MROH7: variants seen among roughly 807,000 people sequenced by gnomAD.
MROH7 encodes maestro heat-like repeat-containing protein family member 7.
In MROH7, 113 loss-of-function variants were observed where a neutral mutation model predicts 129.2. The ratio of observed to expected loss-of-function variants is 0.87; its 90% CI spans 0.75 to 1.02. MROH7 has a LOEUF of 1.02. MROH7 is among the 50% of genes least tolerant of loss of function. MROH7 has a pLI of 0.00. For missense variants in MROH7, 1,601 were observed against 1,671.3 expected, an observed-to-expected ratio of 0.96 and a Z score of 0.73; for synonymous variants, 655 against 667.9, an observed-to-expected ratio of 0.98 and a Z score of 0.30.
intron 15 of MROH7, among the ~76,000 whole-genome samples, chr1:54,687,921 T>C (rs1388274628): frequency 2.7e-5 from 4 of 147,626 alleles, no homozygotes; most frequent in Non-Finnish European, 4.5e-5. Context: ...CAGGCTGGAG[T>C]GCAGTGGTGC....
intron 3 of MROH7, among the ~76,000 whole-genome samples, chr1:54,663,465 T>A (rs1644761993): frequency 6.6e-6 from 1 of 152,064 alleles, no homozygotes; most frequent in Admixed American, 6.6e-5. Flanking sequence ...CTCTGCCTTC[T>A]GGGTTCAAGC....
At chr1:54,659,937 G>A (rs1261602172) in intron 3 of MROH7, among the ~76,000 whole-genome samples, 1 of 152,158 alleles carries the variant, frequency 6.6e-6, no homozygotes, top group Non-Finnish European at 1.5e-5. Context: ...TTTTTTGGAT[G>A]TTATTAATAA....
chr1:54,645,187 T>C (rs911493564), intron 1 of MROH7, among the ~76,000 whole-genome samples: 1 of 152,172 alleles, frequency 6.6e-6, no homozygotes, highest in African/African-American at 2.4e-5. Context: ...TTAATGTTGG[T>C]TGGTTGTCTT....
chr1:54,657,048 CTT>C (rs35098878), intron 3 of MROH7, among the ~76,000 whole-genome samples: 16 of 132,388 alleles, frequency 1.2e-4, no homozygotes, highest in African/African-American at 1.1e-4. Context: ...TTCTCACCAT[CTT>C]TTTTTTTTTT....
chr1:54,689,362 C>A (rs897985013), intron 15 of MROH7, among the ~76,000 whole-genome samples: 1 of 152,182 alleles, frequency 6.6e-6, no homozygotes, highest in African/African-American at 2.4e-5. Context: ...CCTGCTGACA[C>A]CTTAATTTTG....
At chr1:54,684,648 T>C in intron 14 of MROH7, among the ~76,000 whole-genome samples, 1 of 152,232 alleles carries the variant, frequency 6.6e-6, no homozygotes, top group East Asian at 1.9e-4. Flanking sequence ...CTGTGTTCTT[T>C]GGATGTAATC....
At chr1:54,667,999 T>G (rs559826) in intron 4 of MROH7, among the ~76,000 whole-genome samples, 59,493 of 152,056 alleles carry the variant, frequency 0.39, 12,419 homozygotes, top group South Asian at 0.54. Context: ...TAGCTGGGTG[T>G]TTCTTCTGCT....
Position 54,653,007 on chromosome 1 carries a change from G to A in MROH7, c.81G>A (p.Pro27=), listed in dbSNP as rs371606173. 55 of 1,614,066 alleles carry A rather than the reference G, an allele frequency of 3.4e-5. No individual in the cohort carries two copies. Among genetic ancestry groups the A allele is most frequent in the African/African-American group, 2.9e-4 (22 of 75,042 alleles). Residue 27 remains proline, a synonymous_variant, in exon 3 of 24, where the codon CCG becomes CCA. Coordinates refer to ENST00000421030, the MANE Select transcript of MROH7 (RefSeq NM_001039464.4). ...CAAGTCCCCCCTCCTGTGGGGCCCC[G>A]GGATTAGGGTCTGGTACCATCCCTC... ...MTPSPPSCGA[P]GLGSGTIPQP...
At chr1:54,673,383 C>T (rs1027780349) in intron 8 of MROH7, among the ~76,000 whole-genome samples, 197 bp downstream of exon 8, 1 of 152,030 alleles carries the variant, frequency 6.6e-6, no homozygotes, top group African/African-American at 2.4e-5. Context: ...CCCCATCCCC[C>T]CACTCTCTAA....
At chr1:54,659,283 T>G (rs1202420026) in intron 3 of MROH7, 2 of 194,706 alleles carry the variant, frequency 1.0e-5, no homozygotes, top group Non-Finnish European at 2.1e-5. Context: ...TTAATTTTTA[T>G]TTATTTATTT....
rs373951923 is a variant in MROH7, at chr1:54,708,885, T to G, written c.3668-129T>G. ...ATCTGTCCCAGGGTCCAAATGAAGT[T>G]TTGTGTTCTCATGTGTGGGGCTGGA... On this transcript the variant is annotated intron_variant, in intron 22 of 23. Transcript: ENST00000421030. 865 of 809,006 alleles carry G rather than the reference T, an allele frequency of 1.1e-3. 16 individuals carry two copies. In the South Asian group the frequency reaches 0.013, roughly 12 times the overall value. The allele number at this position is 809,006 out of a possible 1,614,324, so 50.1% of individuals were successfully genotyped here.
At chr1:54,678,091 C>T (rs1333087234) in intron 10 of MROH7, among the ~76,000 whole-genome samples, 4 of 152,178 alleles carry the variant, frequency 2.6e-5, no homozygotes, top group South Asian at 2.1e-4. Flanking sequence ...TGGGAACTCT[C>T]GTGCACTGCT....
intron 11 of MROH7, 65 bp downstream of exon 11, chr1:54,678,919 C>A: frequency 1.5e-6 from 2 of 1,291,584 alleles, no homozygotes; most frequent in Non-Finnish European, 2.2e-6. Context: ...GCCACCTGGC[C>A]CCAAAGCTTT....
chr1:54,691,913 G>A (rs778569031), intron 15 of MROH7, among the ~76,000 whole-genome samples: 27 of 127,886 alleles, frequency 2.1e-4, no homozygotes, highest in South Asian at 1.3e-3. Context: ...CACACAGTGC[G>A]GTGCCAGGCA....
chr1:54,662,675 C>A (rs1278770742), intron 3 of MROH7, among the ~76,000 whole-genome samples: 1 of 152,086 alleles, frequency 6.6e-6, no homozygotes, highest in Non-Finnish European at 1.5e-5. Flanking sequence ...ATAACTATCA[C>A]AATCGAGTAA....
intron 17 of MROH7, 152 bp from the exon 18 acceptor site, chr1:54,700,169 G>A (rs1487694761): frequency 1.0e-6 from 1 of 979,592 alleles, no homozygotes. Flanking sequence ...ATGGACATCA[G>A]ACGGAGACTT....
chr1:54,692,669 T>C, intron 16 of MROH7, 108 bp downstream of exon 16: 1 of 1,158,774 alleles, frequency 8.6e-7, no homozygotes, highest in Non-Finnish European at 1.2e-6. Flanking sequence ...GACCCTTTGC[T>C]CAGTCTGTCA....
chr1:54,709,400 T>C (rs1203124174), intron 23 of MROH7, among the ~76,000 whole-genome samples: 1 of 151,860 alleles, frequency 6.6e-6, no homozygotes, highest in Non-Finnish European at 1.5e-5. Flanking sequence ...GTATCTTCAG[T>C]AGAGACAGGG....
intron 13 of MROH7, among the ~76,000 whole-genome samples, chr1:54,682,099 T>C (rs970013757): frequency 2.0e-4 from 30 of 152,162 alleles, no homozygotes; most frequent in Admixed American, 3.9e-4. Context: ...AGTAATACAT[T>C]GCATGTAAAA....
Sources: allele counts gnomAD v4.1 joint callset (sites outside exome capture counted in the v4.1 genomes callset), GRCh38; gene constraint gnomAD v4.1.1; transcripts MANE v1.5; gene names NCBI Gene and HGNC (gene_info 2026-07-23, HGNC 2026-07-21).